The following SHISA6 variants were observed in gnomAD, a reference collection of about 807,000 sequenced individuals.
SHISA6 encodes the protein protein shisa-6.
A neutral mutation model predicts 47.9 loss-of-function variants in SHISA6; 22 were observed. The observed-to-expected ratio is 0.46, with a 90% CI of 0.33 to 0.66. SHISA6 has a LOEUF of 0.66. SHISA6 is among the 30% of genes least tolerant of loss of function. The probability of loss-of-function intolerance (pLI) is 0.02; values close to 1 mark genes in which losing one functional copy is unlikely to be tolerated. For synonymous variants in SHISA6, 388 were observed against 337.8 expected, an observed-to-expected ratio of 1.15 and a Z score of -1.63; for missense variants, 680 against 764.6, an observed-to-expected ratio of 0.89 and a Z score of 1.30.
At chr17:11,290,747 T>G (rs1226824414) in intron 2 of SHISA6, 1 of 152,162 alleles carries the variant, frequency 6.6e-6, no homozygotes, top group African/African-American at 2.4e-5. Flanking sequence ...TTTTGTATTT[T>G]CTTGCATTAT....
chr17:11,525,647 A>C (rs1337248395), intron 3 of SHISA6, among the ~76,000 whole-genome samples: 173 of 53,602 alleles, frequency 3.2e-3, no homozygotes, highest in African/African-American at 0.012. Context: ...AAAAAAAAAA[A>C]AAAACAAAAA....
rs769373863 is a variant in SHISA6 at position 11,454,623 on chromosome 17, C to T, written c.895+75114C>T. ...ACCTCAGGCCTGTGGACACCCTGCC[C>T]GCACTGTGAAATGCTTTTCTCTGTG... On this transcript the variant is annotated intron_variant, in intron 3 of 5. Coordinates refer to ENST00000441885, the MANE Select transcript of SHISA6 (RefSeq NM_207386.4). Among the ~76,000 whole-genome samples the T allele has an allele frequency of 5.3e-5, 8 of 152,308 alleles. No homozygotes were observed. The East Asian group carries it at 7.7e-4, about 15-fold the overall frequency.
intron 2 of SHISA6, among the ~76,000 whole-genome samples, chr17:11,373,514 A>G (rs2142239748): frequency 6.6e-6 from 1 of 152,320 alleles, no homozygotes; most frequent in East Asian, 1.9e-4. Flanking sequence ...TCTTACCTAC[A>G]GAATTATCTG....
intron 3 of SHISA6, among the ~76,000 whole-genome samples, chr17:11,388,342 C>T (rs1192310546): frequency 6.6e-6 from 1 of 152,042 alleles, no homozygotes; most frequent in African/African-American, 2.4e-5. Context: ...ACCTGGGAGC[C>T]GTCTTTCTTG....
chr17:11,277,150 T>C (rs1054726740), intron 2 of SHISA6, among the ~76,000 whole-genome samples: 1 of 151,934 alleles, frequency 6.6e-6, no homozygotes, highest in African/African-American at 2.4e-5. Context: ...TGAGCTGAGC[T>C]GGGGTGTTCA....
intron 3 of SHISA6, among the ~76,000 whole-genome samples, chr17:11,483,776 C>T (rs374105851): frequency 2.6e-5 from 4 of 152,120 alleles, no homozygotes; most frequent in East Asian, 1.9e-4. Context: ...TGAGCAATAG[C>T]GAGACCCTGT....
At position 11,558,249 on chromosome 17, in the gene SHISA6, A is replaced by T; in HGVS notation, c.1601A>T (p.Tyr534Phe). The T allele has an allele frequency of 6.5e-7, 1 of 1,539,994 alleles. No homozygotes were observed. Among genetic ancestry groups the T allele is most frequent in the Non-Finnish European group, 8.7e-7 (1 of 1,146,946 alleles). Reference sequence around the variant, plus strand: ...CACAACACGGTGGAGCAGCTGCACTACATCCCGGGCCACCACACCTGCTAC... The same window carrying T: ...CACAACACGGTGGAGCAGCTGCACTTCATCCCGGGCCACCACACCTGCTAC... Reference protein sequence around the residue: ...RRHNTVEQLHYIPGHHTCYTA... With the variant: ...RRHNTVEQLHFIPGHHTCYTA... Residue 534 changes from tyrosine to phenylalanine, a missense_variant, in exon 6 of 6, where the codon TAC becomes TTC. Around this residue, in one of 2 missense-constraint regions of SHISA6, gnomAD observed 559 missense variants for 674.1 expected, o/e 0.83. Coordinates refer to ENST00000441885, the MANE Select transcript of SHISA6 (RefSeq NM_207386.4).
intron 3 of SHISA6, among the ~76,000 whole-genome samples, chr17:11,454,464 A>G (rs1013284322): frequency 2.0e-5 from 3 of 152,112 alleles, no homozygotes; most frequent in Admixed American, 1.3e-4. Flanking sequence ...TTGACATCCC[A>G]TTGTACTTGG....
chr17:11,423,664 C>G (rs1173952034), intron 3 of SHISA6, among the ~76,000 whole-genome samples: 5 of 151,848 alleles, frequency 3.3e-5, no homozygotes, highest in Non-Finnish European at 1.5e-5. Context: ...AAAGAACGTT[C>G]CACAAAAGAT....
intron 2 of SHISA6, among the ~76,000 whole-genome samples, chr17:11,305,771 G>A (rs769903916): frequency 3.3e-5 from 5 of 152,054 alleles, no homozygotes; most frequent in Non-Finnish European, 5.9e-5. Flanking sequence ...ACCCTGCCCC[G>A]AGCCTCCACC....
At chr17:11,495,959 C>T (rs1301809327) in intron 3 of SHISA6, among the ~76,000 whole-genome samples, 1 of 151,934 alleles carries the variant, frequency 6.6e-6, no homozygotes, top group African/African-American at 2.4e-5. Context: ...CAGAGCAGTT[C>T]TTTCTTGTCT....
chr17:11,300,071 G>T (rs541023047), intron 2 of SHISA6, among the ~76,000 whole-genome samples: 1 of 151,568 alleles, frequency 6.6e-6, no homozygotes, highest in Admixed American at 6.6e-5. Context: ...CTTGAACCTG[G>T]GAGGTGGAGG....
At chr17:11,445,264 C>T (rs9900698) in intron 3 of SHISA6, among the ~76,000 whole-genome samples, 27,640 of 151,960 alleles carry the variant, frequency 0.18, 2,670 homozygotes, top group South Asian at 0.31. Context: ...GACCTAATTA[C>T]CCTCCAAAGG....
chr17:11,370,967 G>A (rs752293447), intron 2 of SHISA6, among the ~76,000 whole-genome samples: 1 of 152,204 alleles, frequency 6.6e-6, no homozygotes, highest in Non-Finnish European at 1.5e-5. Context: ...AAGACAACCA[G>A]AGAGGAGATC....
At chr17:11,534,696 G>A (rs914762906) in intron 3 of SHISA6, among the ~76,000 whole-genome samples, 2 of 152,148 alleles carry the variant, frequency 1.3e-5, no homozygotes, top group African/African-American at 4.8e-5. Context: ...GGGCCTTGAA[G>A]GATGAATAAA....
At chr17:11,352,502 G>A (rs1032197572) in intron 2 of SHISA6, among the ~76,000 whole-genome samples, 16 of 152,230 alleles carry the variant, frequency 1.1e-4, no homozygotes, top group African/African-American at 2.2e-4. Context: ...AATAGGGGTG[G>A]TGAGCTACCA....
chr17:11,449,079 G>A (rs1167086137), intron 3 of SHISA6, among the ~76,000 whole-genome samples: 1 of 152,178 alleles, frequency 6.6e-6, no homozygotes, highest in Admixed American at 6.5e-5. Flanking sequence ...TACACATTGA[G>A]TCTGAAAGGT....
intron 3 of SHISA6, among the ~76,000 whole-genome samples, chr17:11,409,131 G>T (rs755204664): frequency 1.3e-5 from 2 of 151,846 alleles, no homozygotes; most frequent in Admixed American, 1.3e-4. Context: ...TCCATGTATC[G>T]TTGTGTCATT....
chr17:11,260,763 A>G (rs1449985058), intron 1 of SHISA6, among the ~76,000 whole-genome samples: 7 of 149,672 alleles, frequency 4.7e-5, no homozygotes, highest in African/African-American at 1.2e-4. Flanking sequence ...CCTTGGCTCC[A>G]TCTCCCATTT....
Sources: gnomAD v4.1 joint callset for allele counts (sites outside exome capture counted in the v4.1 genomes callset) on GRCh38, gnomAD v4.1.1 for gene constraint, gnomAD v4.1.1 regional missense constraint, MANE v1.5 for transcripts, NCBI Gene and HGNC (gene_info 2026-07-23, HGNC 2026-07-21) for gene names.